Variants in KDM6A observed in about 807,000 individuals in gnomAD.
KDM6A encodes lysine demethylase 6A.
KDM6A carries 11 observed loss-of-function variants against 117.6 expected under a neutral mutation model. The observed-to-expected ratio is 0.09, with a 90% CI of 0.06 to 0.15. KDM6A has a LOEUF of 0.15. Among genes scored for constraint, KDM6A ranks in the 10% least tolerant of loss-of-function variants. The pLI is 1.00. For synonymous variants in KDM6A, 384 were observed against 396.1 expected (o/e 0.97, Z 0.36); for missense variants, 799 against 1,077.3 (o/e 0.74, Z 3.62).
chrX:45,095,799 C>T (rs559586776), intron 27 of KDM6A, among the ~76,000 whole-genome samples: 1 of 112,129 alleles, frequency 8.9e-6, no homozygotes, highest in East Asian at 2.8e-4. Context: ...CACCAGTGAC[C>T]AACTGTTGTA....
intron 2 of KDM6A, among the ~76,000 whole-genome samples, chrX:44,909,519 T>C (rs2034947086): frequency 9.0e-6 from 1 of 111,111 alleles, no homozygotes; most frequent in South Asian, 3.8e-4. Context: ...ATGTCTTCTA[T>C]ACTATATGGA....
intron 4 of KDM6A, among the ~76,000 whole-genome samples, chrX:44,999,203 G>A (rs1237568212): frequency 2.7e-5 from 3 of 111,891 alleles, no homozygotes; most frequent in Non-Finnish European, 5.6e-5. Flanking sequence ...AAAAGAAATA[G>A]CACTTGAATA....
chrX:44,875,756 T>C (rs1330357864), intron 2 of KDM6A, among the ~76,000 whole-genome samples: 2 of 111,657 alleles, frequency 1.8e-5, no homozygotes, highest in Non-Finnish European at 3.8e-5. Context: ...TGGAAAAGTT[T>C]GGCCAAATCG....
At chrX:44,909,620 C>T (rs754670038) in intron 2 of KDM6A, among the ~76,000 whole-genome samples, 6 of 111,399 alleles carry the variant, frequency 5.4e-5, no homozygotes, top group African/African-American at 1.3e-4. Flanking sequence ...GAGTATTAGT[C>T]ATCTATACAT....
At chrX:44,914,645 G>C (rs1428308794) in intron 2 of KDM6A, among the ~76,000 whole-genome samples, 1 of 111,124 alleles carries the variant, frequency 9.0e-6, no homozygotes, top group Non-Finnish European at 1.9e-5. Context: ...CCACTTACCA[G>C]CTGTGAGACT....
chrX:45,037,131 C>G (rs1220571517), intron 7 of KDM6A, among the ~76,000 whole-genome samples: 1 of 112,426 alleles, frequency 8.9e-6, no homozygotes, highest in Non-Finnish European at 1.9e-5. Context: ...TACTTTGAGC[C>G]AGTATTACTC....
chrX:45,068,902 C>T (rs2044692218), intron 17 of KDM6A, among the ~76,000 whole-genome samples: 1 of 107,708 alleles, frequency 9.3e-6, no homozygotes, highest in Non-Finnish European at 1.9e-5. Context: ...CATTGTGTTG[C>T]CCAGCCTGGT....
intron 8 of KDM6A, among the ~76,000 whole-genome samples, chrX:45,045,345 T>C (rs2043481761): frequency 9.1e-6 from 1 of 110,468 alleles, no homozygotes; most frequent in Non-Finnish European, 1.9e-5. Flanking sequence ...CCCAACACTT[T>C]GTGAGGCTGA....
At chrX:45,057,318 C>T (rs2044114606) in intron 10 of KDM6A, among the ~76,000 whole-genome samples, 1 of 111,876 alleles carries the variant, frequency 8.9e-6, no homozygotes, top group South Asian at 3.7e-4. Context: ...TCTCCTTTTA[C>T]TTTTGCCAAA....
rs140869230 is a variant in KDM6A, at chrX:44,990,773, A to G, written c.384+16058A>G. 1.7e-3 allele frequency among the ~76,000 whole-genome samples: 195 copies of G among 111,579 alleles called. 3 individuals are homozygous for G. The highest frequency in any genetic ancestry group is 6.0e-3 in the African/African-American group (184 of 30,733). ...TTTTATGTGTTAAATTTATCAAGCA[A>G]CTTCACTAACTTTCACTAATTTGGG... On this transcript the variant is annotated intron_variant, in intron 4 of 29. Transcript: ENST00000611820.
rs1245503486 is a variant in KDM6A at position 44,985,866 on chromosome X, G to T, written c.384+11151G>T. Among the ~76,000 whole-genome samples, 3 of 109,828 alleles carry T rather than the reference G, an allele frequency of 2.7e-5. No homozygotes were observed. The East Asian group carries it at 8.4e-4, about 31-fold the overall frequency. Reference sequence around the variant, plus strand: ...GTTCATCAGGGATATTGGTCTAAAAGTCTCTTTTTTGGTTGTATCTCTGCC... The same window carrying T: ...GTTCATCAGGGATATTGGTCTAAAATTCTCTTTTTTGGTTGTATCTCTGCC... On this transcript the variant is annotated intron_variant, in intron 4 of 29. Transcript: ENST00000611820.
intron 27 of KDM6A, chrX:45,107,162 A>G (rs1168193018): frequency 6.2e-6 from 2 of 324,912 alleles, no homozygotes; most frequent in Non-Finnish European, 5.4e-6. Flanking sequence ...ATGTACTAAG[A>G]CCATTATATT....
chrX:45,076,693 CCAG>C lies in KDM6A; in HGVS notation c.2859-3_2859-1del. On this transcript the variant is annotated splice_acceptor_variant and splice_polypyrimidine_tract_variant and intron_variant, in intron 18 of 29. Transcript: ENST00000611820. LOFTEE classifies it high-confidence loss of function. ...ACTGATTATCCCTTTTTTTTTTTTT[CCAG>C]GAATCTAGGTAAAAATGGCTTATCT... 1.0e-6 allele frequency: 1 copy of C among 974,111 alleles called. No individual in the cohort carries two copies. The highest frequency in any genetic ancestry group is 3.2e-5 in the Admixed American group (1 of 31,178). 80.3% of individuals were successfully genotyped at this position (974,111 alleles called of 1,213,427 possible). A position where few individuals can be genotyped will look rare whatever the true frequency, so the allele number is the denominator to read the frequency against.
chrX:44,902,605 G>C (rs1452583702), intron 2 of KDM6A, among the ~76,000 whole-genome samples: 1 of 111,339 alleles, frequency 9.0e-6, no homozygotes, highest in Admixed American at 9.5e-5. Flanking sequence ...GGCCAGGCTG[G>C]TCTTGAACTC....
intron 6 of KDM6A, 46 bp downstream of exon 6, chrX:45,020,776 T>TTTTTTG: frequency 8.5e-7 from 1 of 1,182,266 alleles, no homozygotes; most frequent in East Asian, 3.0e-5. Context: ...ATTTTGTGGT[T>TTTTTTG]TTTTTGTTTT....
intron 2 of KDM6A, among the ~76,000 whole-genome samples, chrX:44,900,624 C>A (rs1315090945): frequency 8.9e-6 from 1 of 111,886 alleles, no homozygotes; most frequent in Non-Finnish European, 1.9e-5. Flanking sequence ...TTTGGCCGGG[C>A]GTGGTGGCTC....
intron 2 of KDM6A, among the ~76,000 whole-genome samples, chrX:44,875,204 C>G (rs1020573199): frequency 4.4e-5 from 5 of 112,403 alleles, no homozygotes; most frequent in African/African-American, 1.6e-4. Flanking sequence ...TTTATTGTTG[C>G]AGTTGAGACG....
At chrX:45,001,214 C>G (rs946418806) in intron 4 of KDM6A, among the ~76,000 whole-genome samples, 2 of 111,240 alleles carry the variant, frequency 1.8e-5, no homozygotes, top group African/African-American at 6.6e-5. Context: ...ACCATAAAAC[C>G]GGCTTAAAGA....
chrX:45,040,428 C>T (rs1374364374), intron 8 of KDM6A, among the ~76,000 whole-genome samples: 4 of 86,456 alleles, frequency 4.6e-5, no homozygotes, highest in African/African-American at 1.8e-4. Flanking sequence ...CCAGACGGGG[C>T]GGCTGGCCGG....
Sources: allele counts gnomAD v4.1 joint callset (sites outside exome capture counted in the v4.1 genomes callset), GRCh38; gene constraint gnomAD v4.1.1; transcripts MANE v1.5; gene names NCBI Gene and HGNC (gene_info 2026-07-23, HGNC 2026-07-21).